ATP8A2: variants seen among roughly 807,000 people sequenced by gnomAD.
The protein encoded by ATP8A2 is phospholipid-transporting ATPase IB.
In ATP8A2, 100 loss-of-function variants were observed where a neutral mutation model predicts 165.6. That is an observed-to-expected ratio of 0.60 (90% CI 0.51 to 0.71). The LOEUF (loss-of-function observed/expected upper bound fraction) is 0.71. Ranked by LOEUF, ATP8A2 falls within the 30% of genes least tolerant of loss-of-function variation. The pLI is 0.00. For missense variants in ATP8A2, 1,227 were observed against 1,479.5 expected, an observed-to-expected ratio of 0.83 and a Z score of 2.80; for synonymous variants, 543 against 548.8, an observed-to-expected ratio of 0.99 and a Z score of 0.15.
intron 1 of ATP8A2, among the ~76,000 whole-genome samples, chr13:25,373,666 C>G (rs555564378): frequency 6.4e-4 from 97 of 152,224 alleles, no homozygotes; most frequent in African/African-American, 2.3e-3. Flanking sequence ...TCTGAGACAC[C>G]GGAAGAATGC....
At chr13:25,973,634 T>C (rs1203372525) in intron 35 of ATP8A2, among the ~76,000 whole-genome samples, 1 of 152,182 alleles carries the variant, frequency 6.6e-6, no homozygotes, top group Non-Finnish European at 1.5e-5. Flanking sequence ...AACTCAAAAA[T>C]ACCTGTCATG....
At chr13:26,016,321 A>T (rs546768213) in intron 36 of ATP8A2, among the ~76,000 whole-genome samples, 5 of 152,282 alleles carry the variant, frequency 3.3e-5, no homozygotes, top group African/African-American at 1.2e-4. Context: ...GAGGTTTACA[A>T]CAGGAGGGGC....
chr13:25,481,822 G>A (rs1405198155), intron 2 of ATP8A2, among the ~76,000 whole-genome samples: 1 of 152,082 alleles, frequency 6.6e-6, no homozygotes, highest in Non-Finnish European at 1.5e-5. Context: ...CGAGAGTGAA[G>A]GAGAGACAGA....
At chr13:25,943,984 C>A (rs1194350970) in intron 33 of ATP8A2, among the ~76,000 whole-genome samples, 1 of 152,140 alleles carries the variant, frequency 6.6e-6, no homozygotes, top group Non-Finnish European at 1.5e-5. Context: ...TAAACTGTTA[C>A]ATTTTAAGCA....
chr13:25,853,639 C>G (rs561226592), intron 30 of ATP8A2, among the ~76,000 whole-genome samples: 1 of 152,196 alleles, frequency 6.6e-6, no homozygotes, highest in Non-Finnish European at 1.5e-5. Flanking sequence ...CCTGCTAACC[C>G]TTTTGTCTGA....
rs551621452 is a variant in ATP8A2, at chr13:25,748,937, A to G, written c.2385-20109A>G. Among the ~76,000 whole-genome samples the G allele has an allele frequency of 4.2e-4, 64 of 152,328 alleles. 2 individuals carry two copies. In the South Asian group the frequency reaches 0.012, roughly 30 times the overall value. On this transcript the variant is annotated intron_variant, in intron 25 of 36. Coordinates refer to ENST00000381655, the MANE Select transcript of ATP8A2 (RefSeq NM_016529.6). ...CATGTATATACACATAGGCATTTCA[A>G]TAACAGTATGTGGAGATTAAAATCA...
intron 29 of ATP8A2, 135 bp downstream of exon 29, chr13:25,837,420 CCACCACA>C (rs1446290944): frequency 5.9e-5 from 37 of 625,236 alleles, no homozygotes; most frequent in African/African-American, 3.2e-4. Context: ...ACTCACCCCA[CCACCACA>C]CACACACACA....
chr13:25,793,644 C>T (rs1239637131), intron 27 of ATP8A2, among the ~76,000 whole-genome samples: 3 of 120,624 alleles, frequency 2.5e-5, no homozygotes, highest in African/African-American at 9.5e-5. Flanking sequence ...ATCAGGCTTT[C>T]TCAGGGGAGA....
At chr13:25,729,325 C>T (rs568608193) in intron 25 of ATP8A2, among the ~76,000 whole-genome samples, 2 of 152,318 alleles carry the variant, frequency 1.3e-5, no homozygotes, top group East Asian at 1.9e-4. Flanking sequence ...TCCTCTGTCT[C>T]GCAGAGAACT....
intron 33 of ATP8A2, among the ~76,000 whole-genome samples, chr13:25,943,511 T>C (rs148889636): frequency 2.6e-5 from 4 of 152,338 alleles, no homozygotes; most frequent in Middle Eastern, 3.4e-3. Context: ...AGCAATGGGC[T>C]ATAAAAGATA....
intron 9 of ATP8A2, among the ~76,000 whole-genome samples, chr13:25,542,804 G>A (rs1448702276): frequency 6.6e-6 from 1 of 151,966 alleles, no homozygotes; most frequent in Non-Finnish European, 1.5e-5. Context: ...TTTCTAAATT[G>A]TCACTCAGGT....
intron 33 of ATP8A2, among the ~76,000 whole-genome samples, chr13:25,895,262 A>G (rs1291445781): frequency 1.3e-5 from 2 of 152,136 alleles, no homozygotes; most frequent in Non-Finnish European, 2.9e-5. Flanking sequence ...GAATTTTGTC[A>G]AAGGCCTTTT....
chr13:25,589,910 A>G (rs1417917032), intron 24 of ATP8A2, among the ~76,000 whole-genome samples: 2 of 152,226 alleles, frequency 1.3e-5, no homozygotes, highest in East Asian at 3.8e-4. Context: ...TTGCCTCATG[A>G]TAATACTTTT....
chr13:25,385,478 T>C (rs2033007711), intron 1 of ATP8A2, among the ~76,000 whole-genome samples: 1 of 152,192 alleles, frequency 6.6e-6, no homozygotes. Flanking sequence ...CTTCACACTA[T>C]CTGAAACTTA....
At chr13:25,489,714 C>G (rs898915325) in intron 2 of ATP8A2, among the ~76,000 whole-genome samples, 2 of 152,218 alleles carry the variant, frequency 1.3e-5, no homozygotes, top group Non-Finnish European at 2.9e-5. Context: ...TCAGATATCC[C>G]TTCACACTTA....
intron 24 of ATP8A2, among the ~76,000 whole-genome samples, chr13:25,619,746 G>A (rs1016026849): frequency 6.6e-6 from 1 of 152,172 alleles, no homozygotes; most frequent in South Asian, 2.1e-4. Flanking sequence ...TAGAACAGAG[G>A]TCAACAAACG....
Position 26,023,836 on chromosome 13 carries a change from A to G in ATP8A2, c.*3851A>G, listed in dbSNP as rs1239726242. The G allele has an allele frequency of 6.6e-6, 1 of 152,248 alleles. No individual in the cohort carries two copies. Among genetic ancestry groups the G allele is most frequent in the East Asian group, 1.9e-4 (1 of 5,200 alleles). 9.4% of individuals were successfully genotyped at this position (152,248 alleles called of 1,614,324 possible). A position where few individuals can be genotyped will look rare whatever the true frequency, so the allele number is the denominator to read the frequency against. ...AAAGTAATTCAAGGAGTGATTTAACATCAGCATTTGAAATGTAGTCTTCAT... is the reference window on the plus strand; with the variant it reads ...AAAGTAATTCAAGGAGTGATTTAACGTCAGCATTTGAAATGTAGTCTTCAT... On this transcript the variant is annotated 3_prime_UTR_variant, in exon 37 of 37. Transcript: ENST00000381655.
intron 3 of ATP8A2, 104 bp from the exon 4 acceptor site, chr13:25,530,458 A>G (rs943857004): frequency 5.7e-6 from 4 of 700,404 alleles, no homozygotes; most frequent in African/African-American, 5.4e-5. Flanking sequence ...CAGAAATGGA[A>G]CAGAACTGCA....
intron 1 of ATP8A2, among the ~76,000 whole-genome samples, chr13:25,427,025 T>A (rs1252441453): frequency 6.6e-6 from 1 of 152,168 alleles, no homozygotes; most frequent in East Asian, 1.9e-4. Context: ...CAGCGCAAGA[T>A]GTTAATAAAG....
Sources: gnomAD v4.1 joint callset for allele counts (sites outside exome capture counted in the v4.1 genomes callset) on GRCh38, gnomAD v4.1.1 for gene constraint, MANE v1.5 for transcripts, NCBI Gene and HGNC (gene_info 2026-07-23, HGNC 2026-07-21) for gene names.